Variants in CPA6 observed in about 807,000 individuals in gnomAD.
CPA6 encodes carboxypeptidase B.
A neutral mutation model predicts 63.3 loss-of-function variants in CPA6; 58 were observed. The ratio of observed to expected loss-of-function variants is 0.92; its 90% confidence interval spans 0.74 to 1.14. The LOEUF (loss-of-function observed/expected upper bound fraction) is 1.14, where lower values mean the gene tolerates loss of function less well. Among genes scored for constraint, CPA6 ranks in the 50% most tolerant of loss-of-function variants. CPA6 has a pLI of 0.00. For synonymous variants in CPA6, 185 were observed against 179.0 expected, an observed-to-expected ratio of 1.03 and a Z score of -0.27; for missense variants, 565 against 526.6, an observed-to-expected ratio of 1.07 and a Z score of -0.71.
intron 1 of CPA6, among the ~76,000 whole-genome samples, chr8:67,630,609 A>G (rs1172516803): frequency 6.6e-6 from 1 of 152,214 alleles, no homozygotes; most frequent in African/African-American, 2.4e-5. Flanking sequence ...CTCGGCCTCA[A>G]TGCCCACTCT....
intron 8 of CPA6, among the ~76,000 whole-genome samples, chr8:67,478,318 G>T: frequency 6.6e-6 from 1 of 152,182 alleles, no homozygotes; most frequent in East Asian, 1.9e-4. Flanking sequence ...TCATCTGGCT[G>T]TTTATCTGTA....
intron 8 of CPA6, among the ~76,000 whole-genome samples, chr8:67,454,051 G>A (rs1253483754): frequency 6.6e-6 from 1 of 152,224 alleles, no homozygotes; most frequent in Admixed American, 6.5e-5. Context: ...TGATTCAGCA[G>A]CAGAATGGGC....
At chr8:67,466,098 T>TC (rs1449802533) in intron 8 of CPA6, among the ~76,000 whole-genome samples, 4 of 151,434 alleles carry the variant, frequency 2.6e-5, no homozygotes, top group Non-Finnish European at 5.9e-5. Flanking sequence ...TTTTTTTTTT[T>TC]TTTTTGGTAG....
intron 1 of CPA6, among the ~76,000 whole-genome samples, chr8:67,728,513 T>G (rs1298832129): frequency 6.6e-6 from 1 of 152,202 alleles, no homozygotes; most frequent in Non-Finnish European, 1.5e-5. Context: ...GTTGAACACA[T>G]AGGTAGCATC....
intron 5 of CPA6, among the ~76,000 whole-genome samples, chr8:67,508,172 C>T (rs576591798): frequency 1.3e-4 from 19 of 151,876 alleles, no homozygotes; most frequent in Middle Eastern, 6.8e-3. Flanking sequence ...CTGCAATAGT[C>T]CAGGGAGAAC....
intron 2 of CPA6, among the ~76,000 whole-genome samples, chr8:67,590,990 G>T (rs1417849144): frequency 6.6e-6 from 1 of 152,160 alleles, no homozygotes; most frequent in Non-Finnish European, 1.5e-5. Context: ...TAATGCCTAG[G>T]TTTTCTTCTA....
rs146211095 is a variant in CPA6 at position 67,624,074 on chromosome 8, C to T, written c.192+102G>A. 7.4e-4 allele frequency: 515 copies of T among 695,458 alleles called. 5 individuals are homozygous for T. The East Asian group carries it at 0.011, about 15-fold the overall frequency. The allele number at this position is 695,458 out of a possible 1,614,324, so 43.1% of individuals were successfully genotyped here. ...TTTCAAGTTATCTCCTTAGCCTTTA[C>T]TTTCTTGGCTAATAAATTCCAATTA... On this transcript the variant is annotated intron_variant, in intron 2 of 10. Coordinates refer to ENST00000297770, the MANE Select transcript of CPA6 (RefSeq NM_020361.5).
intron 6 of CPA6, among the ~76,000 whole-genome samples, chr8:67,488,475 G>A (rs1310887081): frequency 6.6e-6 from 1 of 152,194 alleles, no homozygotes; most frequent in Non-Finnish European, 1.5e-5. Flanking sequence ...ACAGTTTGAA[G>A]TCAGGTAGCC....
chr8:67,471,598 T>C lies in CPA6; in HGVS notation c.838+12170A>G, dbSNP rs540450607. Among the ~76,000 whole-genome samples, 3 of 152,306 alleles carry C rather than the reference T, an allele frequency of 2.0e-5. No homozygotes were observed. The South Asian group carries it at 6.2e-4, about 32-fold the overall frequency. Reference sequence around the variant, plus strand: ...TTTTGTGGAGTTTGGGAAATGCTGTTCTGCAAGACAGAATAAAGGCAAGGT... The same window carrying C: ...TTTTGTGGAGTTTGGGAAATGCTGTCCTGCAAGACAGAATAAAGGCAAGGT... On this transcript the variant is annotated intron_variant, in intron 8 of 10. Coordinates refer to ENST00000297770, the MANE Select transcript of CPA6 (RefSeq NM_020361.5).
chr8:67,532,157 G>A (rs1310847333), intron 2 of CPA6, among the ~76,000 whole-genome samples: 1 of 151,864 alleles, frequency 6.6e-6, no homozygotes, highest in Admixed American at 6.6e-5. Flanking sequence ...AAAGATGAGA[G>A]GATAAATTGA....
At chr8:67,542,013 T>C (rs568138952) in intron 2 of CPA6, among the ~76,000 whole-genome samples, 2 of 152,382 alleles carry the variant, frequency 1.3e-5, no homozygotes, top group South Asian at 4.1e-4. Flanking sequence ...CCATTTGTAT[T>C]ATCTGGCAAG....
At chr8:67,456,241 C>T (rs779326226) in intron 8 of CPA6, among the ~76,000 whole-genome samples, 2 of 152,246 alleles carry the variant, frequency 1.3e-5, no homozygotes, top group East Asian at 3.9e-4. Context: ...AGTTAGCAAA[C>T]GTTTAATTCT....
chr8:67,728,347 T>G lies in CPA6; in HGVS notation c.116+17667A>C, dbSNP rs79479606. Among the ~76,000 whole-genome samples the G allele has an allele frequency of 7.9e-3, 1,210 of 152,272 alleles. 17 individuals carry two copies. Among genetic ancestry groups the G allele is most frequent in the African/African-American group, 0.027 (1,134 of 41,546 alleles). On this transcript the variant is annotated intron_variant, in intron 1 of 10. Transcript: ENST00000297770. ...CCTGTGTTTATGCACATTAATACAC[T>G]TGTATACCTTTTTTTTCAGCATTTG...
intron 1 of CPA6, among the ~76,000 whole-genome samples, chr8:67,685,791 G>A (rs945482527): frequency 1.3e-5 from 2 of 152,030 alleles, no homozygotes; most frequent in African/African-American, 4.8e-5. Context: ...ACGTTATTAC[G>A]AGGTCACCAA....
intron 1 of CPA6, among the ~76,000 whole-genome samples, chr8:67,663,671 C>A (rs989207450): frequency 8.5e-5 from 13 of 152,142 alleles, no homozygotes; most frequent in Non-Finnish European, 1.6e-4. Context: ...TGGCTTCCAG[C>A]TCCATCAATA....
At chr8:67,475,329 T>G (rs1811149474) in intron 8 of CPA6, among the ~76,000 whole-genome samples, 1 of 152,236 alleles carries the variant, frequency 6.6e-6, no homozygotes. Context: ...GCACTAATTC[T>G]AAGTGTGTTA....
intron 1 of CPA6, among the ~76,000 whole-genome samples, chr8:67,694,409 T>C (rs1816871643): frequency 6.6e-6 from 1 of 152,256 alleles, no homozygotes; most frequent in African/African-American, 2.4e-5. Context: ...ACGTTGCCCA[T>C]GTGCCACCAA....
chr8:67,572,725 A>G (rs1435183872), intron 2 of CPA6, among the ~76,000 whole-genome samples: 1 of 152,204 alleles, frequency 6.6e-6, no homozygotes, highest in Non-Finnish European at 1.5e-5. Context: ...AACTAATACT[A>G]ATTCTCTACA....
chr8:67,670,212 G>A (rs575670199), intron 1 of CPA6, among the ~76,000 whole-genome samples: 36 of 152,136 alleles, frequency 2.4e-4, no homozygotes, highest in Non-Finnish European at 4.1e-4. Flanking sequence ...TCATGGTTCC[G>A]CAGGCTGTAC....
Sources: gnomAD v4.1 joint callset for allele counts (sites outside exome capture counted in the v4.1 genomes callset) on GRCh38, gnomAD v4.1.1 for gene constraint, MANE v1.5 for transcripts, NCBI Gene and HGNC (gene_info 2026-07-23, HGNC 2026-07-21) for gene names.